SULT2B1: variants seen among roughly 807,000 people sequenced by gnomAD.
The protein encoded by SULT2B1 is sulfotransferase family 2B member 1, also known as sulfotransferase 2B1.
Under a neutral mutation model 33.2 loss-of-function variants are expected in SULT2B1, and 16 were observed. That is an observed-to-expected ratio of 0.48 (90% confidence interval 0.33 to 0.73). SULT2B1 has a LOEUF of 0.73. Ranked by LOEUF, SULT2B1 falls within the 30% of genes least tolerant of loss-of-function variation. SULT2B1 has a pLI of 0.02. For synonymous variants in SULT2B1, 186 were observed against 200.5 expected (o/e 0.93, Z 0.61); for missense variants, 500 against 506.0 (o/e 0.99, Z 0.11).
chr19:48,568,819 G>A (rs967825463), intron 1 of SULT2B1, among the ~76,000 whole-genome samples: 5 of 152,080 alleles, frequency 3.3e-5, no homozygotes, highest in East Asian at 3.9e-4. Flanking sequence ...TTCCTGGAAG[G>A]GTGGGCCGCT....
At chr19:48,576,460 G>A (rs143383511) in intron 2 of SULT2B1, among the ~76,000 whole-genome samples, 14,320 of 140,506 alleles carry the variant, frequency 0.1, 875 homozygotes, top group Non-Finnish European at 0.14. Context: ...GCCTCCCAAA[G>A]TGCTGGGATT....
Position 48,599,117 on chromosome 19 carries a change from G to A in SULT2B1, c.827-18G>A, listed in dbSNP as rs1456104354. 1 of 1,558,366 alleles carries A rather than the reference G, an allele frequency of 6.4e-7. No individual in the cohort carries two copies. Among genetic ancestry groups the A allele is most frequent in the Non-Finnish European group, 8.6e-7 (1 of 1,156,390 alleles). On this transcript the variant is annotated intron_variant, in intron 6 of 6. Coordinates refer to ENST00000201586, the MANE Select transcript of SULT2B1 (RefSeq NM_177973.2). The surrounding 1 kb of genome is among the most constrained non-coding windows in gnomAD (Gnocchi z 4.1). The stretch of plus-strand genomic sequence containing the variant: ...CTCCCCAGAGGCTCCTCACCCCCTG[G>A]TGCCCCCTCTTCTCCAGGGGTCTGC...
chr19:48,553,962 C>G (rs528549677), intron 1 of SULT2B1, among the ~76,000 whole-genome samples: 13 of 148,296 alleles, frequency 8.8e-5, no homozygotes, highest in African/African-American at 3.4e-4. Context: ...CAGCCAGGCA[C>G]CTGGGAGCCT....
chr19:48,587,493 T>A (rs1973580582), intron 3 of SULT2B1, 56 bp downstream of exon 3: 2 of 1,580,230 alleles, frequency 1.3e-6, no homozygotes, highest in Non-Finnish European at 1.7e-6. Context: ...TATGGGGTAA[T>A]GGGGGGACGG....
At chr19:48,577,947 T>A (rs549411638) in intron 2 of SULT2B1, among the ~76,000 whole-genome samples, 1 of 152,256 alleles carries the variant, frequency 6.6e-6, no homozygotes, top group Non-Finnish European at 1.5e-5. Flanking sequence ...CGGGGCATAG[T>A]GGCTCATGCC....
intron 2 of SULT2B1, among the ~76,000 whole-genome samples, chr19:48,581,619 G>A (rs1386837186): frequency 1.9e-4 from 28 of 150,748 alleles, no homozygotes; most frequent in Non-Finnish European, 3.1e-4. Context: ...CACCACGCCC[G>A]GCTAATTTTT....
At chr19:48,567,142 C>T (rs1299035069) in intron 1 of SULT2B1, among the ~76,000 whole-genome samples, 3 of 152,162 alleles carry the variant, frequency 2.0e-5, no homozygotes, top group Non-Finnish European at 4.4e-5. Flanking sequence ...CCTGTTGTTT[C>T]TGGCCTCTCT....
chr19:48,554,654 CTTTTTTTTTT>C (rs3859436), intron 1 of SULT2B1, among the ~76,000 whole-genome samples: 7 of 13,568 alleles, frequency 5.2e-4, no homozygotes, highest in Admixed American at 1.1e-3. Context: ...TACTCTACTG[CTTTTTTTTTT>C]TTTTTTTTTT....
At chr19:48,596,534 A>G (rs2147631202) in intron 5 of SULT2B1, 1 of 539,912 alleles carries the variant, frequency 1.9e-6, no homozygotes, top group Admixed American at 3.4e-5. Flanking sequence ...CCTCCCACCT[A>G]GAGAACCCTC....
intron 1 of SULT2B1, among the ~76,000 whole-genome samples, chr19:48,559,518 G>A (rs963748546): frequency 2.6e-5 from 4 of 152,146 alleles, no homozygotes; most frequent in Admixed American, 1.3e-4. Flanking sequence ...TTACAGGCAT[G>A]TGCCACCATG....
At chr19:48,593,937 C>T (rs990950178) in intron 5 of SULT2B1, among the ~76,000 whole-genome samples, 4 of 151,684 alleles carry the variant, frequency 2.6e-5, no homozygotes, top group African/African-American at 9.7e-5. Context: ...TATAACTGGT[C>T]GGCCCCGCCA....
At chr19:48,598,412 T>TTAAACG (rs1973750486) in intron 6 of SULT2B1, among the ~76,000 whole-genome samples, 1 of 152,000 alleles carries the variant, frequency 6.6e-6, no homozygotes, top group African/African-American at 2.4e-5. Context: ...GCCAACATGG[T>TTAAACG]TAAACGCCAT....
chr19:48,573,540 G>A (rs1475832221), intron 1 of SULT2B1, among the ~76,000 whole-genome samples: 1 of 152,128 alleles, frequency 6.6e-6, no homozygotes, highest in African/African-American at 2.4e-5. Context: ...GGGGGGTCCT[G>A]GCTCTGCGCT....
At chr19:48,576,359 C>CTTTTTTTTTTTTTTTTTTTTTTT (rs1188887401) in intron 2 of SULT2B1, among the ~76,000 whole-genome samples, 1 of 96,716 alleles carries the variant, frequency 1.0e-5, no homozygotes, top group African/African-American at 4.3e-5. Flanking sequence ...CTCTACTTCT[C>CTTTTTTTTTTTTTTTTTTTTTTT]TTTTTTTTTT....
chr19:48,581,472 GTTTTTTT>G lies in SULT2B1; in HGVS notation c.214+5399_214+5405del, dbSNP rs4011541. Among the ~76,000 whole-genome samples, 388 of 118,904 alleles carry G rather than the reference GTTTTTTT, an allele frequency of 3.3e-3. 3 individuals are homozygous for G. The highest frequency in any genetic ancestry group is 4.8e-3 in the Non-Finnish European group (296 of 61,272). 78.0% of individuals were successfully genotyped at this position (118,904 alleles called of 152,430 possible). A position where few individuals can be genotyped will look rare whatever the true frequency, so the allele number is the denominator to read the frequency against. ...GTTTTCTTATCATTGAGATTTGAGA[GTTTTTTT>G]TTTTTTTTTGAGACAGAGTCTCGCT... On this transcript the variant is annotated intron_variant, in intron 2 of 6. Coordinates refer to ENST00000201586, the MANE Select transcript of SULT2B1 (RefSeq NM_177973.2).
chr19:48,569,369 T>C (rs1410206889), intron 1 of SULT2B1, among the ~76,000 whole-genome samples: 2 of 14,102 alleles, frequency 1.4e-4, no homozygotes, highest in Non-Finnish European at 2.9e-4. Flanking sequence ...AAAACATATA[T>C]ATATATATAT....
In SULT2B1 at chr19:48,599,041, G is replaced by A. The variant is rs1973761205; in HGVS notation, c.827-94G>A. The A allele has an allele frequency of 6.7e-7, 1 of 1,496,510 alleles. No individual in the cohort carries two copies. Among genetic ancestry groups the A allele is most frequent in the Non-Finnish European group, 8.9e-7 (1 of 1,128,616 alleles). The allele number at this position is 1,496,510 out of a possible 1,614,324, so 92.7% of individuals were successfully genotyped here. A position where few individuals can be genotyped will look rare whatever the true frequency, so the allele number is the denominator to read the frequency against. ...CTGGCAAAGGGAACACCTCGCCAAA[G>A]GCCGGGAAGGGGAAGGAGGTTGCTG... On this transcript the variant is annotated intron_variant, in intron 6 of 6. Coordinates refer to ENST00000201586, the MANE Select transcript of SULT2B1 (RefSeq NM_177973.2). The surrounding 1 kb of genome is among the most constrained non-coding windows in gnomAD (Gnocchi z 4.1).
rs1973042568 is a variant in SULT2B1 at position 48,552,481 on chromosome 19, G to A, written c.71+158G>A. Among the ~76,000 whole-genome samples, 2 of 152,160 alleles carry A rather than the reference G, an allele frequency of 1.3e-5. No individual in the cohort carries two copies. The highest frequency in any genetic ancestry group is 6.5e-5 in the Admixed American group (1 of 15,276). On this transcript the variant is annotated intron_variant, in intron 1 of 6. Transcript: ENST00000201586. The surrounding 1 kb of genome is among the most constrained non-coding windows in gnomAD (Gnocchi z 4.8). ...GCTGGGCTGGGCTGGGGCATCCAGT[G>A]TGGTGTATAGGTCCCTCCTGAGAAG...
At chr19:48,568,883 A>T (rs887859290) in intron 1 of SULT2B1, among the ~76,000 whole-genome samples, 7 of 121,364 alleles carry the variant, frequency 5.8e-5, no homozygotes, top group Non-Finnish European at 9.9e-5. Context: ...GCAGCCCACC[A>T]CTCACTTCTT....
Sources: gnomAD v4.1 joint callset for allele counts (sites outside exome capture counted in the v4.1 genomes callset) on GRCh38, gnomAD v4.1.1 for gene constraint, Gnocchi (gnomAD v3.1) non-coding constraint, MANE v1.5 for transcripts, NCBI Gene and HGNC (gene_info 2026-07-23, HGNC 2026-07-21) for gene names.